Variants in CDK19 observed in about 807,000 individuals in gnomAD.
The protein encoded by CDK19 is cyclin dependent kinase 19.
CDK19 carries 20 observed loss-of-function variants against 68.3 expected under a neutral mutation model. The observed-to-expected ratio is 0.29, with a 90% CI of 0.21 to 0.43. The LOEUF (loss-of-function observed/expected upper bound fraction) is 0.43. Ranked by LOEUF, CDK19 falls within the 20% of genes least tolerant of loss-of-function variation. The pLI, the probability that CDK19 is intolerant of heterozygous loss-of-function variation, is 1.00. For synonymous variants in CDK19, 221 were observed against 222.8 expected, an observed-to-expected ratio of 0.99 and a Z score of 0.07; for missense variants, 339 against 623.5, an observed-to-expected ratio of 0.54 and a Z score of 4.86.
At chr6:110,756,827 G>C (rs1778870778) in intron 1 of CDK19, among the ~76,000 whole-genome samples, 1 of 152,128 alleles carries the variant, frequency 6.6e-6, no homozygotes, top group Non-Finnish European at 1.5e-5. Context: ...CTGACAATGG[G>C]CTAGTTTGGA....
intron 2 of CDK19, among the ~76,000 whole-genome samples, chr6:110,712,964 C>A (rs954676361): frequency 1.3e-5 from 2 of 151,994 alleles, no homozygotes; most frequent in African/African-American, 4.8e-5. Flanking sequence ...AATCCCAGCA[C>A]TTTGGGAGGC....
chr6:110,624,551 G>T (rs1778965317), intron 8 of CDK19, among the ~76,000 whole-genome samples: 1 of 152,084 alleles, frequency 6.6e-6, no homozygotes, highest in East Asian at 1.9e-4. Context: ...TTGGTGTTTT[G>T]CGTGTGTGTG....
intron 4 of CDK19, among the ~76,000 whole-genome samples, chr6:110,640,308 G>A (rs967617619): frequency 5.3e-5 from 8 of 151,240 alleles, no homozygotes; most frequent in Non-Finnish European, 1.0e-4. Flanking sequence ...ACTCTGGATA[G>A]TCTTAAATGC....
chr6:110,661,326 C>A (rs533995692), intron 4 of CDK19, among the ~76,000 whole-genome samples: 2 of 152,318 alleles, frequency 1.3e-5, no homozygotes, highest in African/African-American at 4.8e-5. Flanking sequence ...TAAAAACATA[C>A]TTTTGCCTTA....
chr6:110,814,623 A>G (rs1175448327), intron 1 of CDK19: 2 of 471,310 alleles, frequency 4.2e-6, no homozygotes, highest in East Asian at 1.3e-4. Context: ...GACCGTCACT[A>G]CCCAGGGCCG....
At chr6:110,643,167 AC>A in intron 4 of CDK19, 1 of 1,283,462 alleles carries the variant, frequency 7.8e-7, no homozygotes, top group Non-Finnish European at 1.0e-6. Context: ...GCCAAAGCAA[AC>A]CCCTTCTGGA....
In CDK19 at chr6:110,614,629, T is replaced by C. The variant is rs756309724; in HGVS notation, c.1415A>G (p.Gln472Arg). 6.2e-7 allele frequency: 1 copy of C among 1,613,944 alleles called. No homozygotes were observed. Among genetic ancestry groups the C allele is most frequent in the South Asian group, 1.1e-5 (1 of 91,072 alleles). ...TGTGCTCTGGGACTGAGAGGATCCCTGAACGCTGCTTTGGTAATTCAGGCG... is the reference window on the plus strand; with the variant it reads ...TGTGCTCTGGGACTGAGAGGATCCCCGAACGCTGCTTTGGTAATTCAGGCG... Reference protein sequence around the residue: ...SSRLNYQSSVQGSSQSQSTLG... With the variant: ...SSRLNYQSSVRGSSQSQSTLG... Residue 472 changes from glutamine to arginine, a missense_variant, in exon 13 of 13, where the codon CAG becomes CGG. Physicochemically the swap from Gln to Arg is conservative, Grantham distance 43. Coordinates refer to ENST00000368911, the MANE Select transcript of CDK19 (RefSeq NM_015076.5).
intron 5 of CDK19, among the ~76,000 whole-genome samples, chr6:110,635,647 C>T (rs1169999550): frequency 6.6e-6 from 1 of 152,214 alleles, no homozygotes; most frequent in Non-Finnish European, 1.5e-5. Context: ...TCAAGCACTT[C>T]TCCTGCCTCA....
intron 1 of CDK19, among the ~76,000 whole-genome samples, chr6:110,801,416 T>C (rs1782336745): frequency 1.3e-5 from 2 of 152,034 alleles, no homozygotes; most frequent in African/African-American, 4.8e-5. Context: ...GCCCAGGAGA[T>C]TGAGACTGCA....
chr6:110,745,920 G>A (rs1190809614), intron 2 of CDK19, among the ~76,000 whole-genome samples: 1 of 152,098 alleles, frequency 6.6e-6, no homozygotes, highest in African/African-American at 2.4e-5. Context: ...GTGGACTCCA[G>A]CCTGGGCAAC....
intron 1 of CDK19, among the ~76,000 whole-genome samples, chr6:110,808,810 G>A (rs1188118980): frequency 6.6e-6 from 1 of 152,156 alleles, no homozygotes; most frequent in East Asian, 1.9e-4. Flanking sequence ...TAAAAGCACA[G>A]AAGACAGATT....
At chr6:110,702,276 T>C (rs1051896396) in intron 2 of CDK19, among the ~76,000 whole-genome samples, 3 of 152,008 alleles carry the variant, frequency 2.0e-5, no homozygotes, top group Admixed American at 6.6e-5. Flanking sequence ...TGAGACCTCA[T>C]CTCTACAAAA....
chr6:110,724,386 T>C (rs556570724), intron 2 of CDK19, among the ~76,000 whole-genome samples: 3 of 151,638 alleles, frequency 2.0e-5, no homozygotes, highest in Non-Finnish European at 2.9e-5. Flanking sequence ...AACAAGTACA[T>C]AATGTGGTAA....
At chr6:110,659,675 T>C (rs1009477271) in intron 4 of CDK19, among the ~76,000 whole-genome samples, 2 of 152,100 alleles carry the variant, frequency 1.3e-5, no homozygotes, top group African/African-American at 4.8e-5. Context: ...ATTGAATATA[T>C]CCTCTGAACT....
intron 1 of CDK19, among the ~76,000 whole-genome samples, chr6:110,770,183 C>T (rs1432543181): frequency 6.6e-6 from 1 of 152,166 alleles, no homozygotes; most frequent in African/African-American, 2.4e-5. Flanking sequence ...TAAATACATA[C>T]TATCCAACTT....
intron 2 of CDK19, among the ~76,000 whole-genome samples, chr6:110,718,490 A>C (rs1775576707): frequency 6.6e-6 from 1 of 152,176 alleles, no homozygotes; most frequent in African/African-American, 2.4e-5. Context: ...TGTGTTGTGT[A>C]TAGTGTGTAG....
intron 8 of CDK19, 50 bp downstream of exon 8, chr6:110,626,726 T>C (rs919538792): frequency 5.5e-6 from 6 of 1,087,518 alleles, no homozygotes; most frequent in African/African-American, 4.8e-5. Flanking sequence ...CAGTCTAAGG[T>C]ATTTTTTTAT....
intron 2 of CDK19, among the ~76,000 whole-genome samples, chr6:110,744,289 G>C (rs923124598): frequency 6.6e-6 from 1 of 151,888 alleles, no homozygotes; most frequent in African/African-American, 2.4e-5. Flanking sequence ...GATTATAAGT[G>C]TGAGCCACCA....
chr6:110,722,551 A>G (rs1269792958), intron 2 of CDK19, among the ~76,000 whole-genome samples: 1 of 151,978 alleles, frequency 6.6e-6, no homozygotes, highest in East Asian at 1.9e-4. Context: ...AAAAAAAAAA[A>G]AAGTTTTAAA....
Sources: gnomAD v4.1 joint callset for allele counts (sites outside exome capture counted in the v4.1 genomes callset) on GRCh38, gnomAD v4.1.1 for gene constraint, MANE v1.5 for transcripts, NCBI Gene and HGNC (gene_info 2026-07-23, HGNC 2026-07-21) for gene names.